Variants in CACNA1C observed in about 807,000 individuals in gnomAD.
The protein encoded by CACNA1C is calcium voltage-gated channel subunit alpha1 C, also known as voltage-dependent L-type calcium channel subunit alpha-1C.
CACNA1C carries 30 observed loss-of-function variants against 229.0 expected under a neutral mutation model. The ratio of observed to expected loss-of-function variants is 0.13; its 90% CI spans 0.10 to 0.18. CACNA1C has a LOEUF of 0.18. CACNA1C is among the 10% of genes least tolerant of loss of function. The probability of loss-of-function intolerance (pLI) is 1.00; values close to 1 mark genes in which losing one functional copy is unlikely to be tolerated. For synonymous variants in CACNA1C, 1,114 were observed against 1,132.5 expected (o/e 0.98, Z 0.33); for missense variants, 1,658 against 2,845.0 (o/e 0.58, Z 9.49).
At chr12:2,494,672 GA>G (rs1222848570) in intron 7 of CACNA1C, among the ~76,000 whole-genome samples, 1 of 152,230 alleles carries the variant, frequency 6.6e-6, no homozygotes, top group Non-Finnish European at 1.5e-5. Flanking sequence ...TCCTGAATCG[GA>G]AGGAAGAGTT....
At chr12:1,994,891 T>C (rs2040418829) in intron 1 of CACNA1C, among the ~76,000 whole-genome samples, 1 of 151,958 alleles carries the variant, frequency 6.6e-6, no homozygotes, top group African/African-American at 2.4e-5. Context: ...CCAGCTCCAT[T>C]CCCTGTAACA....
chr12:2,440,731 C>T (rs1216315801), intron 3 of CACNA1C, among the ~76,000 whole-genome samples: 2 of 152,222 alleles, frequency 1.3e-5, no homozygotes, highest in Non-Finnish European at 2.9e-5. Flanking sequence ...AACTCTCATG[C>T]CCCTCACATA....
intron 43 of CACNA1C, 35 bp from the exon 44 acceptor site, chr12:2,685,701 C>T (rs767076268): frequency 1.9e-5 from 29 of 1,563,218 alleles, no homozygotes; most frequent in Non-Finnish European, 2.5e-5. Flanking sequence ...ACTTCTCAGC[C>T]TCCAGGAACA....
At chr12:2,039,545 G>A (rs940831083) in intron 1 of CACNA1C, among the ~76,000 whole-genome samples, 1 of 152,182 alleles carries the variant, frequency 6.6e-6, no homozygotes, top group African/African-American at 2.4e-5. Context: ...AAATTCAAAG[G>A]TAAGTACAAC....
chr12:2,071,122 CCCCTTCCCG>C (rs1189934544), intron 1 of CACNA1C, among the ~76,000 whole-genome samples: 2 of 68,226 alleles, frequency 2.9e-5, no homozygotes, highest in African/African-American at 1.5e-4. Flanking sequence ...TTTCCCCTTC[CCCCTTCCCG>C]CTTCCCCCTC....
chr12:2,254,672 A>C lies in CACNA1C; in HGVS notation c.477+134242A>C, dbSNP rs184990907. On this transcript the variant is annotated intron_variant, in intron 3 of 46. Coordinates refer to ENST00000399655, the MANE Select transcript of CACNA1C (RefSeq NM_000719.7). ...CCCGTGGGATAAGGGAAAAGAAAAAAGCCACTCAAACTACTCCATTGTGAG... is the reference window on the plus strand; with the variant it reads ...CCCGTGGGATAAGGGAAAAGAAAAACGCCACTCAAACTACTCCATTGTGAG... Among the ~76,000 whole-genome samples, 8 of 152,268 alleles carry C rather than the reference A, an allele frequency of 5.3e-5. No individual in the cohort carries two copies. In the East Asian group the frequency reaches 1.5e-3, roughly 29 times the overall value.
Position 2,135,660 on chromosome 12 carries a change from C to G in CACNA1C, c.477+15230C>G, listed in dbSNP as rs1346351442. ...GGACCCACTTGAAGAGGCAGTCTGC[C>G]CGTTCTCAGATCTCCAGCCGCGTGC... On this transcript the variant is annotated intron_variant, in intron 3 of 46. Coordinates refer to ENST00000399655, the MANE Select transcript of CACNA1C (RefSeq NM_000719.7). 4.2e-5 allele frequency among the ~76,000 whole-genome samples: 6 copies of G among 143,582 alleles called. No homozygotes were observed. The South Asian group carries it at 1.1e-3, about 26-fold the overall frequency. The allele number at this position is 143,582 out of a possible 152,430, so 94.2% of individuals were successfully genotyped here. A position where few individuals can be genotyped will look rare whatever the true frequency, so the allele number is the denominator to read the frequency against.
intron 1 of CACNA1C, among the ~76,000 whole-genome samples, chr12:2,041,867 C>T (rs1159360478): frequency 6.6e-6 from 1 of 152,224 alleles, no homozygotes; most frequent in Non-Finnish European, 1.5e-5. Context: ...GGGGCTGCAG[C>T]CTGTGCTGAC....
At chr12:2,581,932 G>A in intron 14 of CACNA1C, 135 bp downstream of exon 14, 1 of 568,166 alleles carries the variant, frequency 1.8e-6, no homozygotes, top group Non-Finnish European at 3.1e-6. Flanking sequence ...CCCATGCCCG[G>A]GAGAGTCTTG....
chr12:2,669,949 G>A (rs1220746248), intron 38 of CACNA1C, among the ~76,000 whole-genome samples: 2 of 152,196 alleles, frequency 1.3e-5, no homozygotes, highest in Admixed American at 1.3e-4. Flanking sequence ...GGGAAAGGCT[G>A]TATTAAACAC....
chr12:2,626,845 G>A (rs569061119), intron 29 of CACNA1C, among the ~76,000 whole-genome samples: 1 of 152,142 alleles, frequency 6.6e-6, no homozygotes, highest in Non-Finnish European at 1.5e-5. Context: ...GTATGCCCAA[G>A]CCTTGCATAG....
intron 1 of CACNA1C, among the ~76,000 whole-genome samples, chr12:2,081,817 T>C (rs911241880): frequency 1.3e-5 from 2 of 152,074 alleles, no homozygotes; most frequent in Admixed American, 6.5e-5. Flanking sequence ...TTCAGGGAAA[T>C]AATGAACTAT....
chr12:2,691,193 C>A lies in CACNA1C; in HGVS notation c.6411C>A (p.Ser2137Arg). ...AGGACAGCAGGGTCTACGTCAGCAG[C>A]CTGTAGTGGGCGCTGCCAGATGCGG... ...ELQDSRVYVS[S>R]L Residue 2137 changes from serine to arginine, a missense_variant, in exon 47 of 47, where the codon AGC becomes AGA. This residue lies in a region of CACNA1C where 590 missense variants were observed against 700.8 expected (regional missense o/e 0.84). Coordinates refer to ENST00000399655, the MANE Select transcript of CACNA1C (RefSeq NM_000719.7). 6.4e-7 allele frequency: 1 copy of A among 1,556,526 alleles called. No individual in the cohort carries two copies. Among genetic ancestry groups the A allele is most frequent in the South Asian group, 1.2e-5 (1 of 83,270 alleles).
intron 8 of CACNA1C, among the ~76,000 whole-genome samples, chr12:2,510,110 G>A (rs777118201): frequency 2.4e-4 from 37 of 152,162 alleles, no homozygotes; most frequent in Non-Finnish European, 4.7e-4. Flanking sequence ...GCCATTGCTG[G>A]CGAGAGATGC....
At chr12:1,988,743 A>G (rs1241070353) in intron 1 of CACNA1C, among the ~76,000 whole-genome samples, 1 of 152,236 alleles carries the variant, frequency 6.6e-6, no homozygotes, top group Non-Finnish European at 1.5e-5. Context: ...ACTTTTATGA[A>G]GATGGCCTAT....
chr12:2,391,497 C>G (rs2098478601), intron 3 of CACNA1C, among the ~76,000 whole-genome samples: 1 of 152,156 alleles, frequency 6.6e-6, no homozygotes, highest in Non-Finnish European at 1.5e-5. Flanking sequence ...GAACCAAGAA[C>G]AGGACTGTCA....
At position 2,608,384 on chromosome 12, in the gene CACNA1C, T is replaced by G. The variant is rs1048936054; in HGVS notation, c.3357-127T>G. Reference sequence around the variant, plus strand: ...TCACACAGCCAGTAAGAGGCCGAGCTGGGACTCCAGCCCAGAGCTGTCTCC... The same window carrying G: ...TCACACAGCCAGTAAGAGGCCGAGCGGGGACTCCAGCCCAGAGCTGTCTCC... On this transcript the variant is annotated intron_variant, in intron 26 of 46. Transcript: ENST00000399655. The surrounding 1 kb of genome is among the most constrained non-coding windows in gnomAD (Gnocchi z 4.2). 7.7e-5 allele frequency: 50 copies of G among 645,730 alleles called. No homozygotes were observed. Among genetic ancestry groups the G allele is most frequent in the Non-Finnish European group, 1.1e-4 (41 of 384,334 alleles). The allele number at this position is 645,730 out of a possible 1,614,324, so 40.0% of individuals were successfully genotyped here.
At chr12:2,648,596 G>A in intron 31 of CACNA1C, 89 bp downstream of exon 31, 1 of 1,188,924 alleles carries the variant, frequency 8.4e-7, no homozygotes, top group South Asian at 1.2e-5. Context: ...AGAGTCCCTG[G>A]GAGCCCTGCC....
chr12:2,527,112 G>A (rs186424343), intron 9 of CACNA1C, among the ~76,000 whole-genome samples: 2 of 152,318 alleles, frequency 1.3e-5, no homozygotes, highest in African/African-American at 4.8e-5. Flanking sequence ...AAATGTCTGG[G>A]CAGAGGAGCC....
Sources: allele counts gnomAD v4.1 joint callset (sites outside exome capture counted in the v4.1 genomes callset), GRCh38; gene constraint gnomAD v4.1.1; regional missense constraint gnomAD v4.1.1; non-coding constraint Gnocchi (gnomAD v3.1); transcripts MANE v1.5; gene names NCBI Gene and HGNC (gene_info 2026-07-23, HGNC 2026-07-21).